Variants in ALKAL2 observed in about 807,000 individuals in gnomAD.
ALKAL2 encodes the protein AUG-alpha.
ALKAL2 carries 8 observed loss-of-function variants against 18.5 expected under a neutral mutation model. The observed-to-expected ratio is 0.43, with a 90% CI of 0.25 to 0.78. The LOEUF is 0.78. ALKAL2 is among the 30% of genes least tolerant of loss of function. ALKAL2 has a pLI of 0.22. For synonymous variants in ALKAL2, 135 were observed against 95.8 expected (o/e 1.41, Z -2.39); for missense variants, 241 against 211.2 (o/e 1.14, Z -0.88).
At chr2:282,981 G>T in intron 5 of ALKAL2, 130 bp downstream of exon 5, 1 of 965,780 alleles carries the variant, frequency 1.0e-6, no homozygotes, top group Non-Finnish European at 1.5e-6. Flanking sequence ...TGAGTGTTGT[G>T]CCATCTCTAC....
rs67240058 is a variant in ALKAL2, at chr2:287,448, TAAAAAAAAAAA to T, written c.253+124_253+134del. The stretch of plus-strand genomic sequence containing the variant: ...CCTATTGCTGCTATTTTCTTTTTCT[TAAAAAAAAAAA>T]AAAAAAAAAAAGGAATCCTGCTGTT... On this transcript the variant is annotated intron_variant, in intron 2 of 5. Coordinates refer to ENST00000403610, the MANE Select transcript of ALKAL2 (RefSeq NM_001002919.3). The T allele has an allele frequency of 6.1e-5, 27 of 441,352 alleles. No individual in the cohort carries two copies. In the Admixed American group the frequency reaches 6.2e-4, roughly 10 times the overall value. 27.3% of individuals were successfully genotyped at this position (441,352 alleles called of 1,614,324 possible). A position where few individuals can be genotyped will look rare whatever the true frequency, so the allele number is the denominator to read the frequency against.
At position 287,776 on chromosome 2, in the gene ALKAL2, C is replaced by T. The variant is rs1189092834; in HGVS notation, c.60G>A (p.Gly20=). 9.2e-6 allele frequency: 12 copies of T among 1,309,042 alleles called. No individual in the cohort carries two copies. Among genetic ancestry groups the T allele is most frequent in the Non-Finnish European group, 1.2e-5 (12 of 1,005,144 alleles). 81.1% of individuals were successfully genotyped at this position (1,309,042 alleles called of 1,614,324 possible). A position where few individuals can be genotyped will look rare whatever the true frequency, so the allele number is the denominator to read the frequency against. ...GGGGCTCCGCGCCCCCCCGGCCGCG[C>T]CCCGCCGCCCCCAGCACCAGCAGCA... ...LGLLLVLGAA[G]RGRGGAEPRE... Residue 20 remains glycine, a synonymous_variant, in exon 2 of 6, where the codon GGG becomes GGA. Coordinates refer to ENST00000403610, the MANE Select transcript of ALKAL2 (RefSeq NM_001002919.3).
In ALKAL2 at chr2:287,745, G is replaced by A. The variant is rs1173524948; in HGVS notation, c.91C>T (p.Pro31Ser). Residue 31 changes from proline to serine, a missense_variant, in exon 2 of 6, where the codon CCG (proline) becomes TCG (serine). Transcript: ENST00000403610. Reference sequence around the variant, plus strand: ...CGCAGCAGCGCCTGTCCGTCCGCCGGCTCCCGGGGCTCCGCGCCCCCCCGG... The same window carrying A: ...CGCAGCAGCGCCTGTCCGTCCGCCGACTCCCGGGGCTCCGCGCCCCCCCGG... The part of the protein sequence containing the change: ...RGRGGAEPRE[P>S]ADGQALLRLV... 1.4e-6 allele frequency: 2 copies of A among 1,450,236 alleles called. No individual in the cohort carries two copies. Among genetic ancestry groups the A allele is most frequent in the Non-Finnish European group, 1.8e-6 (2 of 1,105,308 alleles). The allele number at this position is 1,450,236 out of a possible 1,614,324, so 89.8% of individuals were successfully genotyped here.
Position 280,145 on chromosome 2 carries a change from G to T in ALKAL2, c.*2C>A. The T allele has an allele frequency of 6.2e-7, 1 of 1,613,910 alleles. No homozygotes were observed. Among genetic ancestry groups the T allele is most frequent in the Non-Finnish European group, 8.5e-7 (1 of 1,179,838 alleles). The stretch of plus-strand genomic sequence containing the variant: ...CTGGTGTGCTGCTCCTGTACGGTCT[G>T]CTCACTGCTGAAAACAAATACATTG... On this transcript the variant is annotated 3_prime_UTR_variant, in exon 6 of 6. Transcript: ENST00000403610.
chr2:287,919 G>T, intron 1 of ALKAL2, 27 bp from the exon 2 acceptor site: 1 of 1,240,838 alleles, frequency 8.1e-7, no homozygotes, highest in Non-Finnish European at 1.0e-6. Flanking sequence ...GCGGGGGGCC[G>T]GAGAGAAAGT....
chr2:286,259 G>A (rs1670503902), intron 3 of ALKAL2, 31 bp downstream of exon 3: 1 of 1,611,068 alleles, frequency 6.2e-7, no homozygotes, highest in African/African-American at 1.3e-5. Flanking sequence ...AAGGAGCTCT[G>A]GGAGACGTGA....
chr2:280,437 A>T (rs557905797), intron 5 of ALKAL2, among the ~76,000 whole-genome samples: 2 of 152,246 alleles, frequency 1.3e-5, no homozygotes, highest in Admixed American at 1.3e-4. Context: ...TACATGTGCT[A>T]TCAGAATCCT....
chr2:283,517 T>C (rs1670417754), intron 4 of ALKAL2: 1 of 985,440 alleles, frequency 1.0e-6, no homozygotes, highest in Non-Finnish European at 1.2e-6. Flanking sequence ...TTCCGTACCC[T>C]TGTGCTACTT....
chr2:282,514 TCAAAACATCCG>T (rs1407615105), intron 5 of ALKAL2, among the ~76,000 whole-genome samples: 6 of 152,160 alleles, frequency 3.9e-5, no homozygotes, highest in African/African-American at 1.4e-4. Context: ...ACCTTACCCT[TCAAAACATCCG>T]CTGATGGTTG....
In ALKAL2 at chr2:279,912, T is replaced by TTTTG. The variant is rs1207285797; in HGVS notation, c.*231_*234dup. The TTTTG allele has an allele frequency of 4.0e-6, 2 of 505,832 alleles. No individual in the cohort carries two copies. Among genetic ancestry groups the TTTTG allele is most frequent in the East Asian group, 5.8e-5 (2 of 34,582 alleles). The allele number at this position is 505,832 out of a possible 1,614,324, so 31.3% of individuals were successfully genotyped here. On this transcript the variant is annotated 3_prime_UTR_variant, in exon 6 of 6. Coordinates refer to ENST00000403610, the MANE Select transcript of ALKAL2 (RefSeq NM_001002919.3). ...CTACACGTCAAATGTGGAGCATTCC[T>TTTTG]TTTGTGTTTTTTTTTTAAATAAGTG...
At chr2:283,080 T>A (rs1447680404) in intron 5 of ALKAL2, 31 bp downstream of exon 5, 1 of 1,585,002 alleles carries the variant, frequency 6.3e-7, no homozygotes, top group Non-Finnish European at 8.6e-7. Flanking sequence ...ATCTTTGGTA[T>A]GTGCTCCAGT....
At chr2:280,186 T>A (rs1670293333) in intron 5 of ALKAL2, 34 bp from the exon 6 acceptor site, 1 of 1,613,358 alleles carries the variant, frequency 6.2e-7, no homozygotes, top group Non-Finnish European at 8.5e-7. Flanking sequence ...GATATGACTA[T>A]CCACACTTCT....
intron 2 of ALKAL2, chr2:286,928 G>C (rs1457410967): frequency 1.3e-5 from 2 of 152,272 alleles, no homozygotes; most frequent in African/African-American, 4.8e-5. Context: ...TCTTCCACCA[G>C]GGTTCTCCGC....
intron 5 of ALKAL2, among the ~76,000 whole-genome samples, chr2:280,354 GC>G (rs1670301412): frequency 6.6e-6 from 1 of 152,148 alleles, no homozygotes; most frequent in Non-Finnish European, 1.5e-5. Flanking sequence ...TTACATGGCT[GC>G]AATGCTAAAG....
At chr2:286,676 G>A (rs1489505095) in intron 2 of ALKAL2, 1 of 207,712 alleles carries the variant, frequency 4.8e-6, no homozygotes, top group Non-Finnish European at 9.5e-6. Flanking sequence ...CAGTGAATAA[G>A]TCACTTTTAG....
Position 287,573 on chromosome 2 carries a change from C to T in ALKAL2, c.253+10G>A, listed in dbSNP as rs1364656180. 4 of 1,415,356 alleles carry T rather than the reference C, an allele frequency of 2.8e-6. No individual in the cohort carries two copies. The highest frequency in any genetic ancestry group is 3.7e-6 in the Non-Finnish European group (4 of 1,090,972). The allele number at this position is 1,415,356 out of a possible 1,614,324, so 87.7% of individuals were successfully genotyped here. ...AGCCCCGGCCCTCGGGCGCGCTCGG[C>T]CCCACTCACCCACTCGCTGCTCCGG... On this transcript the variant is annotated intron_variant, in intron 2 of 5. Coordinates refer to ENST00000403610, the MANE Select transcript of ALKAL2 (RefSeq NM_001002919.3).
chr2:287,942 G>T (rs953692195), intron 1 of ALKAL2, 50 bp from the exon 2 acceptor site: 1 of 1,233,134 alleles, frequency 8.1e-7, no homozygotes, highest in Non-Finnish European at 1.0e-6. Context: ...GCGGGGGAGG[G>T]GGACGGAGCG....
rs1670287077 is a variant in ALKAL2, at chr2:280,131, C to T, written c.*16G>A. The T allele has an allele frequency of 1.2e-6, 2 of 1,613,824 alleles. No homozygotes were observed. Among genetic ancestry groups the T allele is most frequent in the African/African-American group, 1.3e-5 (1 of 74,930 alleles). ...ACTTCTCATGGCTCCTGGTGTGCTGCTCCTGTACGGTCTGCTCACTGCTGA... is the reference window on the plus strand; with the variant it reads ...ACTTCTCATGGCTCCTGGTGTGCTGTTCCTGTACGGTCTGCTCACTGCTGA... On this transcript the variant is annotated 3_prime_UTR_variant, in exon 6 of 6. Transcript: ENST00000403610.
In ALKAL2 at chr2:283,092, T is replaced by G. The variant is rs757817800; in HGVS notation, c.453+19A>C. On this transcript the variant is annotated intron_variant, in intron 5 of 5. Coordinates refer to ENST00000403610, the MANE Select transcript of ALKAL2 (RefSeq NM_001002919.3). ...CCCATCTTTGGTATGTGCTCCAGTG[T>G]GTGTCTGTCCAAGCTTACCTTATCC... 28 of 1,606,070 alleles carry G rather than the reference T, an allele frequency of 1.7e-5. No individual in the cohort carries two copies. The highest frequency in any genetic ancestry group is 2.0e-5 in the Non-Finnish European group (24 of 1,176,416).
Sources: gnomAD v4.1 joint callset for allele counts (sites outside exome capture counted in the v4.1 genomes callset) on GRCh38, gnomAD v4.1.1 for gene constraint, MANE v1.5 for transcripts, NCBI Gene and HGNC (gene_info 2026-07-23, HGNC 2026-07-21) for gene names.